The following PTPRK variants were observed in gnomAD, a reference collection of about 807,000 sequenced individuals.
PTPRK encodes protein tyrosine phosphatase receptor type K, also known as receptor-type tyrosine-protein phosphatase kappa.
PTPRK carries 75 observed loss-of-function variants against 178.0 expected under a neutral mutation model. The observed-to-expected ratio is 0.42, with a 90% CI of 0.35 to 0.51. The LOEUF (loss-of-function observed/expected upper bound fraction) is 0.51, where lower values mean the gene tolerates loss of function less well. PTPRK is among the 20% of genes least tolerant of loss of function. The probability of loss-of-function intolerance (pLI) is 0.02; values close to 1 mark genes in which losing one functional copy is unlikely to be tolerated. For synonymous variants in PTPRK, 637 were observed against 620.6 expected (o/e 1.03, Z -0.39); for missense variants, 1,441 against 1,797.8 (o/e 0.80, Z 3.59).
chr6:128,200,521 TC>T (rs1292262635), intron 6 of PTPRK, among the ~76,000 whole-genome samples: 2 of 151,758 alleles, frequency 1.3e-5, no homozygotes, highest in Non-Finnish European at 2.9e-5. Context: ...GGCCAGGCAT[TC>T]AAGACCAGCC....
intron 1 of PTPRK, among the ~76,000 whole-genome samples, chr6:128,424,607 C>A (rs1034487747): frequency 6.6e-6 from 1 of 152,136 alleles, no homozygotes; most frequent in East Asian, 1.9e-4. Context: ...TGATCCAAAT[C>A]AGCATCTCCT....
chr6:128,178,474 T>C (rs1053472119), intron 7 of PTPRK, among the ~76,000 whole-genome samples: 8 of 151,966 alleles, frequency 5.3e-5, no homozygotes, highest in Non-Finnish European at 1.2e-4. Flanking sequence ...TGTATTAATA[T>C]TGGACAATTC....
chr6:128,182,467 G>A (rs761246079), intron 7 of PTPRK, among the ~76,000 whole-genome samples: 9 of 151,962 alleles, frequency 5.9e-5, no homozygotes, highest in Non-Finnish European at 1.0e-4. Flanking sequence ...CCAGCTACTC[G>A]GGAAGTTGAG....
intron 3 of PTPRK, among the ~76,000 whole-genome samples, chr6:128,293,824 C>G (rs1823806127): frequency 6.6e-6 from 1 of 152,092 alleles, no homozygotes; most frequent in Non-Finnish European, 1.5e-5. Flanking sequence ...ACTTGTTTTG[C>G]AATTCTCTAG....
chr6:128,519,819 C>A lies in PTPRK; in HGVS notation c.100+440G>T, dbSNP rs1245034828. On this transcript the variant is annotated intron_variant, in intron 1 of 29. Coordinates refer to ENST00000368226, the MANE Select transcript of PTPRK (RefSeq NM_002844.4). The surrounding 1 kb of genome is among the most constrained non-coding windows in gnomAD (Gnocchi z 4.3). ...ACAAAAAGCACCTGGCAAAGCGCGC[C>A]GAGGTCAGTCCCTTCGAATCTCCAC... Among the ~76,000 whole-genome samples, 5 of 152,174 alleles carry A rather than the reference C, an allele frequency of 3.3e-5. No individual in the cohort carries two copies. Among genetic ancestry groups the A allele is most frequent in the Admixed American group, 3.3e-4 (5 of 15,284 alleles).
intron 2 of PTPRK, among the ~76,000 whole-genome samples, chr6:128,332,273 C>T (rs374514925): frequency 3.9e-5 from 6 of 152,134 alleles, no homozygotes; most frequent in African/African-American, 1.4e-4. Context: ...GGATTAGTGC[C>T]ATCTGTTTCC....
intron 3 of PTPRK, among the ~76,000 whole-genome samples, chr6:128,305,098 T>C (rs1826179022): frequency 6.6e-6 from 1 of 152,176 alleles, no homozygotes; most frequent in Non-Finnish European, 1.5e-5. Context: ...AACAGTAAGT[T>C]TGAAAAAGAA....
chr6:128,112,139 AAT>A (rs758762113), intron 7 of PTPRK, among the ~76,000 whole-genome samples: 3 of 152,122 alleles, frequency 2.0e-5, no homozygotes, highest in Non-Finnish European at 4.4e-5. Flanking sequence ...TTGCTCAACA[AAT>A]ATGTTAATTT....
At chr6:128,177,041 A>C (rs1293922222) in intron 7 of PTPRK, among the ~76,000 whole-genome samples, 1 of 151,760 alleles carries the variant, frequency 6.6e-6, no homozygotes, top group African/African-American at 2.4e-5. Context: ...TTGAAGACAG[A>C]AGTAAATTCT....
chr6:128,497,541 G>A (rs1231586598), intron 1 of PTPRK, among the ~76,000 whole-genome samples: 1 of 152,128 alleles, frequency 6.6e-6, no homozygotes, highest in Non-Finnish European at 1.5e-5. Flanking sequence ...AATAGAAAAT[G>A]TCAAATTTCA....
intron 3 of PTPRK, among the ~76,000 whole-genome samples, chr6:128,279,903 C>T (rs1821403708): frequency 6.6e-6 from 1 of 152,082 alleles, no homozygotes; most frequent in Non-Finnish European, 1.5e-5. Flanking sequence ...ATAATAGTTG[C>T]CATCAGCCTG....
intron 5 of PTPRK, among the ~76,000 whole-genome samples, chr6:128,226,585 G>C (rs1425861658): frequency 6.6e-6 from 1 of 151,930 alleles, no homozygotes; most frequent in African/African-American, 2.4e-5. Context: ...TTCTACCAGT[G>C]AACAACAGCT....
At chr6:128,207,069 T>C (rs1486536407) in intron 6 of PTPRK, among the ~76,000 whole-genome samples, 1 of 152,158 alleles carries the variant, frequency 6.6e-6, no homozygotes, top group Admixed American at 6.6e-5. Flanking sequence ...CAGGAATCAT[T>C]ATGCCCCAGA....
intron 2 of PTPRK, among the ~76,000 whole-genome samples, chr6:128,387,791 TACTGCATATGTAA>T (rs1838965477): frequency 6.6e-6 from 1 of 152,148 alleles, no homozygotes; most frequent in African/African-American, 2.4e-5. Context: ...GGTAGGAAGA[TACTGCATATGTAA>T]CATATGCAGT....
rs58051125 is a variant in PTPRK at position 128,238,185 on chromosome 6, C to CAA, written c.693+1848_693+1849dup. The CAA allele has an allele frequency of 6.4e-3, 1,321 of 205,390 alleles. 2 individuals carry two copies. Among genetic ancestry groups the CAA allele is most frequent in the South Asian group, 9.4e-3 (316 of 33,744 alleles). The allele number at this position is 205,390 out of a possible 1,614,324, so 12.7% of individuals were successfully genotyped here. ...AAATTCACCATTCTGTAGCAAACGC[C>CAA]AAAAAAAAAAAAAAAAAGAAAAGAA... On this transcript the variant is annotated intron_variant, in intron 5 of 29. Coordinates refer to ENST00000368226, the MANE Select transcript of PTPRK (RefSeq NM_002844.4).
intron 14 of PTPRK, chr6:128,008,174 T>G (rs924358517): frequency 1.5e-6 from 1 of 688,646 alleles, no homozygotes; most frequent in Non-Finnish European, 2.2e-6. Flanking sequence ...TTATCTATAA[T>G]GTTAATGCTT....
At chr6:128,428,536 A>G (rs1456421173) in intron 1 of PTPRK, among the ~76,000 whole-genome samples, 2 of 152,222 alleles carry the variant, frequency 1.3e-5, no homozygotes, top group Admixed American at 1.3e-4. Flanking sequence ...GCTAGAGGGG[A>G]TACCTCCCTG....
chr6:128,066,289 C>A lies in PTPRK; in HGVS notation c.2157+1230G>T, dbSNP rs538456870. On this transcript the variant is annotated intron_variant, in intron 12 of 29. Coordinates refer to ENST00000368226, the MANE Select transcript of PTPRK (RefSeq NM_002844.4). Reference sequence around the variant, plus strand: ...GGACTACTCTCTAAAGACCTCAGTTCTTTAAAGGTAAACGAGAAGAGCATC... The same window carrying A: ...GGACTACTCTCTAAAGACCTCAGTTATTTAAAGGTAAACGAGAAGAGCATC... Among the ~76,000 whole-genome samples the A allele has an allele frequency of 6.6e-5, 10 of 152,252 alleles. No individual in the cohort carries two copies. The South Asian group carries it at 1.9e-3, about 28-fold the overall frequency.
At chr6:128,290,615 T>A (rs1304727271) in intron 3 of PTPRK, among the ~76,000 whole-genome samples, 1 of 152,016 alleles carries the variant, frequency 6.6e-6, no homozygotes, top group East Asian at 1.9e-4. Context: ...CAGGGGCCAG[T>A]TCTCTAGGAT....
Sources: gnomAD v4.1 joint callset for allele counts (sites outside exome capture counted in the v4.1 genomes callset) on GRCh38, gnomAD v4.1.1 for gene constraint, Gnocchi (gnomAD v3.1) non-coding constraint, MANE v1.5 for transcripts, NCBI Gene and HGNC (gene_info 2026-07-23, HGNC 2026-07-21) for gene names.